DZIP1: variants seen among roughly 807,000 people sequenced by gnomAD.
The protein encoded by DZIP1 is DAZ interacting zinc finger protein 1.
Under a neutral mutation model 107.6 loss-of-function variants are expected in DZIP1, and 97 were observed. That is an observed-to-expected ratio of 0.90 (90% CI 0.77 to 1.07). DZIP1 has a LOEUF of 1.07. Among genes scored for constraint, DZIP1 ranks in the 50% least tolerant of loss-of-function variants. The probability of loss-of-function intolerance (pLI) is 0.00; values close to 1 mark genes in which losing one functional copy is unlikely to be tolerated. For synonymous variants in DZIP1, 390 were observed against 386.4 expected (o/e 1.01, Z -0.11); for missense variants, 1,035 against 1,063.6 (o/e 0.97, Z 0.37).
chr13:95,578,256 A>G lies in DZIP1; in HGVS notation c.*3978T>C. On this transcript the variant is annotated 3_prime_UTR_variant, in exon 23 of 23. Transcript: ENST00000376829. ...TTACAGGATTTGTAAAATGTTTTCTACATTTATATAGAACATGAAAAGCAT... is the reference window on the plus strand; with the variant it reads ...TTACAGGATTTGTAAAATGTTTTCTGCATTTATATAGAACATGAAAAGCAT... The G allele has an allele frequency of 3.3e-6, 1 of 307,598 alleles. No individual in the cohort carries two copies. Among genetic ancestry groups the G allele is most frequent in the South Asian group, 6.0e-5 (1 of 16,694 alleles). The allele number at this position is 307,598 out of a possible 1,614,324, so 19.1% of individuals were successfully genotyped here.
intron 12 of DZIP1, 63 bp from the exon 13 acceptor site, chr13:95,609,576 C>G (rs1251808872): frequency 1.6e-6 from 2 of 1,252,484 alleles, no homozygotes; most frequent in East Asian, 2.6e-5. Flanking sequence ...ATTTTTGTAG[C>G]CCTTATACTA....
chr13:95,599,256 C>T, intron 15 of DZIP1, 109 bp downstream of exon 15: 1 of 899,690 alleles, frequency 1.1e-6, no homozygotes, highest in Non-Finnish European at 1.8e-6. Context: ...AAATGTCTTT[C>T]CTAATTTTGA....
rs1303738766 is a variant in DZIP1 at position 95,578,695 on chromosome 13, G to C, written c.*3539C>G. The C allele has an allele frequency of 6.6e-6, 1 of 152,234 alleles. No homozygotes were observed. Among genetic ancestry groups the C allele is most frequent in the African/African-American group, 2.4e-5 (1 of 41,468 alleles). The allele number at this position is 152,234 out of a possible 1,614,324, so 9.4% of individuals were successfully genotyped here. A position where few individuals can be genotyped will look rare whatever the true frequency, so the allele number is the denominator to read the frequency against. ...CACCATTCTCTTTGATGTATGCAGAGAGTTACGTAGCAGGGGATGTTCTCT... is the reference window on the plus strand; with the variant it reads ...CACCATTCTCTTTGATGTATGCAGACAGTTACGTAGCAGGGGATGTTCTCT... On this transcript the variant is annotated 3_prime_UTR_variant, in exon 23 of 23. Coordinates refer to ENST00000376829, the MANE Select transcript of DZIP1 (RefSeq NM_198968.4).
intron 18 of DZIP1, 33 bp from the exon 19 acceptor site, chr13:95,589,240 G>T: frequency 6.8e-7 from 1 of 1,469,972 alleles, no homozygotes; most frequent in Non-Finnish European, 9.4e-7. Context: ...TTTTTAAATT[G>T]CATAAGTTAA....
intron 16 of DZIP1, among the ~76,000 whole-genome samples, chr13:95,593,655 C>T (rs1317075090): frequency 1.3e-5 from 2 of 152,198 alleles, no homozygotes; most frequent in Non-Finnish European, 2.9e-5. Context: ...AGCTGTGAGA[C>T]ATTAATCAAG....
chr13:95,594,150 G>T, intron 15 of DZIP1, 64 bp from the exon 16 acceptor site: 1 of 1,323,530 alleles, frequency 7.6e-7, no homozygotes, highest in Non-Finnish European at 1.0e-6. Flanking sequence ...AAATCTCTAA[G>T]CAGAAAATGG....
Position 95,630,047 on chromosome 13 carries a change from T to C in DZIP1, c.752A>G (p.Gln251Arg). 1 of 1,614,022 alleles carries C rather than the reference T, an allele frequency of 6.2e-7. No homozygotes were observed. Among genetic ancestry groups the C allele is most frequent in the Non-Finnish European group, 8.5e-7 (1 of 1,179,894 alleles). Residue 251 changes from glutamine (Q) to arginine (R), a missense_variant, in exon 7 of 23, where the codon CAG (glutamine) becomes CGG (arginine). Gln to Arg is a conservative substitution (Grantham distance 43, BLOSUM62 1). Coordinates refer to ENST00000376829, the MANE Select transcript of DZIP1 (RefSeq NM_198968.4). ...AGCCTCTAGCTCAGACCTGGTGAGC[T>C]GCAGCTCTTCCTTCAATACGACGAT... ...SEIVVLKEELQLTRSELEAAH... is the reference protein window; with the variant it reads ...SEIVVLKEELRLTRSELEAAH...
chr13:95,614,109 G>C lies in DZIP1; in HGVS notation c.1174-1932C>G, dbSNP rs545430573. 2.2e-3 allele frequency among the ~76,000 whole-genome samples: 274 copies of C among 124,676 alleles called. 1 individual carries two copies. The highest frequency in any genetic ancestry group is 3.9e-3 in the Admixed American group (40 of 10,128). 81.8% of individuals were successfully genotyped at this position (124,676 alleles called of 152,430 possible). A position where few individuals can be genotyped will look rare whatever the true frequency, so the allele number is the denominator to read the frequency against. On this transcript the variant is annotated intron_variant, in intron 10 of 22. Coordinates refer to ENST00000376829, the MANE Select transcript of DZIP1 (RefSeq NM_198968.4). The stretch of plus-strand genomic sequence containing the variant: ...CCACTGCACTGTAGCCCCGGTGACA[G>C]AGTAAGACCCTGTCTCAAAAAAAAA...
chr13:95,636,996 G>A (rs955851668), intron 5 of DZIP1: 2 of 152,082 alleles, frequency 1.3e-5, no homozygotes, highest in Admixed American at 6.6e-5. Context: ...AAAACTTTAG[G>A]CCACCCTCAA....
At chr13:95,639,029 T>A (rs1447995023) in intron 5 of DZIP1, among the ~76,000 whole-genome samples, 1 of 152,188 alleles carries the variant, frequency 6.6e-6, no homozygotes, top group Non-Finnish European at 1.5e-5. Context: ...AAAACGTTTT[T>A]CCCTCATTCC....
In DZIP1 at chr13:95,582,030, T is replaced by C. The variant is rs1006823034; in HGVS notation, c.*204A>G. On this transcript the variant is annotated 3_prime_UTR_variant, in exon 23 of 23. Coordinates refer to ENST00000376829, the MANE Select transcript of DZIP1 (RefSeq NM_198968.4). ...CAGCAGCGGAAGTCTTAAACACCTT[T>C]ACATGCTTCGAAATACTGTTGATGA... 2.7e-5 allele frequency: 14 copies of C among 521,418 alleles called. No homozygotes were observed. In the South Asian group the frequency reaches 4.2e-4, roughly 16 times the overall value. 32.3% of individuals were successfully genotyped at this position (521,418 alleles called of 1,614,324 possible). A position where few individuals can be genotyped will look rare whatever the true frequency, so the allele number is the denominator to read the frequency against.
At chr13:95,615,109 C>T (rs554497560) in intron 10 of DZIP1, among the ~76,000 whole-genome samples, 2 of 152,302 alleles carry the variant, frequency 1.3e-5, no homozygotes, top group South Asian at 4.1e-4. Flanking sequence ...TGGCACAAAT[C>T]CGCCCCCACA....
chr13:95,637,116 T>C (rs561943682), intron 5 of DZIP1: 1 of 152,212 alleles, frequency 6.6e-6, no homozygotes, highest in African/African-American at 2.4e-5. Context: ...TCAAACTTGA[T>C]AGAGTTGAAG....
At chr13:95,628,833 G>A (rs1876859771) in intron 7 of DZIP1, among the ~76,000 whole-genome samples, 3 of 152,122 alleles carry the variant, frequency 2.0e-5, no homozygotes. Context: ...TCTAGAGCAG[G>A]CAAAATCACA....
chr13:95,599,855 T>C (rs2044562603), intron 14 of DZIP1, among the ~76,000 whole-genome samples: 1 of 152,194 alleles, frequency 6.6e-6, no homozygotes, highest in Non-Finnish European at 1.5e-5. Flanking sequence ...TTGTTCTGGG[T>C]GCTAACCCCA....
rs1382199806 is a variant in DZIP1 at position 95,641,810 on chromosome 13, C to T, written c.82G>A (p.Gly28Arg). The change falls in exon 5 of 23, where the codon GGG (glycine) becomes AGG (arginine). Residue 28 changes from glycine (G) to arginine (R), a missense_variant. Transcript: ENST00000376829. This position sits in a 1 kb window ranked among gnomAD's most constrained non-coding sequence, Gnocchi z 4.3. ...VYYPLASGPE[G>R]PDVAVAAAAA... is the part of the protein sequence containing the mutation. ...GCGGCGGCCACAGCGACGTCGGGCC[C>T]CTCTGGGCCGCTGGCGAGCGGGTAG... 8 of 1,481,464 alleles carry T rather than the reference C, an allele frequency of 5.4e-6. No homozygotes were observed. In the Admixed American group the frequency reaches 7.8e-5, roughly 14 times the overall value. The allele number at this position is 1,481,464 out of a possible 1,614,324, so 91.8% of individuals were successfully genotyped here.
chr13:95,641,425 C>T lies in DZIP1; in HGVS notation c.467G>A (p.Gly156Asp). 6.2e-7 allele frequency: 1 copy of T among 1,614,168 alleles called. No individual in the cohort carries two copies. ...EERLRLSHCD[G>D]EQSKKLLTKQ... ...GGTGAGCAGCTTCTTGCTCTGCTCG[C>T]CGTCGCAGTGGCTCAGGCGCAGCCG... The change falls in exon 5 of 23, where the codon GGC (glycine) becomes GAC (aspartate). Residue 156 changes from glycine to aspartate, a missense_variant. Transcript: ENST00000376829. This position sits in a 1 kb window ranked among gnomAD's most constrained non-coding sequence, Gnocchi z 4.3.
Position 95,582,092 on chromosome 13 carries a change from G to A in DZIP1, c.*142C>T. The A allele has an allele frequency of 4.2e-6, 3 of 720,470 alleles. No individual in the cohort carries two copies. The highest frequency in any genetic ancestry group is 7.2e-6 in the Non-Finnish European group (3 of 416,094). The allele number at this position is 720,470 out of a possible 1,614,324, so 44.6% of individuals were successfully genotyped here. A position where few individuals can be genotyped will look rare whatever the true frequency, so the allele number is the denominator to read the frequency against. On this transcript the variant is annotated 3_prime_UTR_variant, in exon 23 of 23. Coordinates refer to ENST00000376829, the MANE Select transcript of DZIP1 (RefSeq NM_198968.4). ...ATACTGTATTGGGTGCCATTAAAGA[G>A]ACCATTGTTCTTTGAATCAGTCTCT... is the stretch of plus-strand genomic sequence containing the variant.
At chr13:95,596,888 G>A (rs775044064) in intron 15 of DZIP1, among the ~76,000 whole-genome samples, 1 of 152,192 alleles carries the variant, frequency 6.6e-6, no homozygotes, top group Non-Finnish European at 1.5e-5. Context: ...ATTTATTGAT[G>A]GCAATTAATC....
Sources: gnomAD v4.1 joint callset for allele counts (sites outside exome capture counted in the v4.1 genomes callset) on GRCh38, gnomAD v4.1.1 for gene constraint, Gnocchi (gnomAD v3.1) non-coding constraint, MANE v1.5 for transcripts, NCBI Gene and HGNC (gene_info 2026-07-23, HGNC 2026-07-21) for gene names.